Variants in CAMTA1 observed in about 807,000 individuals in gnomAD.
CAMTA1 encodes the protein calmodulin binding transcription activator 1.
Under a neutral mutation model 170.9 loss-of-function variants are expected in CAMTA1, and 27 were observed. The observed-to-expected ratio is 0.16, with a 90% confidence interval of 0.12 to 0.22. The LOEUF (loss-of-function observed/expected upper bound fraction) is 0.22. Ranked by LOEUF, CAMTA1 falls within the 10% of genes least tolerant of loss-of-function variation. The pLI, the probability that CAMTA1 is intolerant of heterozygous loss-of-function variation, is 1.00. For missense variants in CAMTA1, 1,619 were observed against 2,217.2 expected (o/e 0.73, Z 5.42); for synonymous variants, 833 against 891.5 (o/e 0.93, Z 1.17).
At chr1:7,657,928 A>G (rs1412983659) in intron 7 of CAMTA1, among the ~76,000 whole-genome samples, 1 of 152,204 alleles carries the variant, frequency 6.6e-6, no homozygotes, top group Non-Finnish European at 1.5e-5. Context: ...GGAGAACAAG[A>G]GGCAGAGAGA....
intron 5 of CAMTA1, among the ~76,000 whole-genome samples, chr1:7,326,958 C>T (rs1167929768): frequency 2.6e-5 from 4 of 151,972 alleles, no homozygotes; most frequent in Admixed American, 2.6e-4. Flanking sequence ...ACTGTGACAG[C>T]CAAGCGAACA....
At chr1:7,330,518 C>G (rs554904326) in intron 5 of CAMTA1, among the ~76,000 whole-genome samples, 53 of 152,244 alleles carry the variant, frequency 3.5e-4, no homozygotes, top group African/African-American at 1.3e-3. Flanking sequence ...GATGAGGAAC[C>G]AGGAGCACCC....
At chr1:7,385,829 C>T (rs933838352) in intron 5 of CAMTA1, among the ~76,000 whole-genome samples, 1 of 152,186 alleles carries the variant, frequency 6.6e-6, no homozygotes, top group Non-Finnish European at 1.5e-5. Context: ...CAGCACTGGG[C>T]GCCTCTGACG....
rs1037622187 is a variant in CAMTA1 at position 6,971,573 on chromosome 1, G to A, written c.235-119731G>A. Among the ~76,000 whole-genome samples the A allele has an allele frequency of 3.3e-5, 5 of 152,068 alleles. No homozygotes were observed. Among genetic ancestry groups the A allele is most frequent in the Admixed American group, 1.3e-4 (2 of 15,258 alleles). The stretch of plus-strand genomic sequence containing the variant: ...GTGCCTTCTGGGTAAGTCTCTAACC[G>A]AAAACTAGATCCACAGGCAGGCCTT... On this transcript the variant is annotated intron_variant, in intron 3 of 22. Coordinates refer to ENST00000303635, the MANE Select transcript of CAMTA1 (RefSeq NM_015215.4). This position sits in a 1 kb window ranked among gnomAD's most constrained non-coding sequence, Gnocchi z 4.6.
chr1:7,530,247 C>G (rs2094475751), intron 6 of CAMTA1, among the ~76,000 whole-genome samples: 1 of 152,234 alleles, frequency 6.6e-6, no homozygotes, highest in African/African-American at 2.4e-5. Context: ...CGTCCTCCTC[C>G]CTCCTTGATA....
intron 3 of CAMTA1, among the ~76,000 whole-genome samples, chr1:6,899,217 T>C (rs2149191848): frequency 6.6e-6 from 1 of 152,294 alleles, no homozygotes; most frequent in South Asian, 2.1e-4. Flanking sequence ...GTGTGCTAGG[T>C]TATAGTGTTT....
At chr1:7,270,293 T>TATATATA (rs1553296848) in intron 5 of CAMTA1, among the ~76,000 whole-genome samples, 1 of 76,466 alleles carries the variant, frequency 1.3e-5, no homozygotes, top group African/African-American at 4.7e-5. Context: ...ATATATATAT[T>TATATATA]TTTTTTTTTT....
chr1:6,882,106 G>A (rs1671800650), intron 3 of CAMTA1, among the ~76,000 whole-genome samples: 1 of 152,168 alleles, frequency 6.6e-6, no homozygotes, highest in Non-Finnish European at 1.5e-5. Flanking sequence ...AGCTAAGAAT[G>A]CTTTGTATGT....
chr1:6,936,904 CG>C, intron 3 of CAMTA1, among the ~76,000 whole-genome samples: 1 of 152,208 alleles, frequency 6.6e-6, no homozygotes, highest in South Asian at 2.1e-4. Flanking sequence ...AGGAGAATGG[CG>C]TGAACCCGAG....
intron 3 of CAMTA1, among the ~76,000 whole-genome samples, chr1:7,042,050 G>C (rs1261546080): frequency 2.6e-5 from 4 of 151,864 alleles, no homozygotes; most frequent in Non-Finnish European, 5.9e-5. Flanking sequence ...AGTGTCCTTG[G>C]GGATAGGGTG....
intron 3 of CAMTA1, among the ~76,000 whole-genome samples, chr1:7,028,302 T>C (rs919872553): frequency 6.6e-6 from 1 of 152,204 alleles, no homozygotes; most frequent in African/African-American, 2.4e-5. Flanking sequence ...CATTTCATTG[T>C]CTTAATTGCG....
intron 4 of CAMTA1, chr1:7,219,570 AAAG>A (rs1660369277): frequency 1.4e-5 from 2 of 145,668 alleles, no homozygotes; most frequent in Admixed American, 1.4e-4. Flanking sequence ...AAAAAAAAAA[AAAG>A]GAGACACACC....
chr1:7,558,105 G>A (rs1245662953), intron 6 of CAMTA1, among the ~76,000 whole-genome samples: 1 of 152,122 alleles, frequency 6.6e-6, no homozygotes, highest in Non-Finnish European at 1.5e-5. Flanking sequence ...CCACCCTCCT[G>A]TGACCCAAAT....
At chr1:7,335,682 C>T (rs1026840283) in intron 5 of CAMTA1, among the ~76,000 whole-genome samples, 3 of 151,798 alleles carry the variant, frequency 2.0e-5, no homozygotes, top group Non-Finnish European at 2.9e-5. Context: ...AGCATTCACG[C>T]GTGTGTCCTC....
At chr1:7,720,638 C>T (rs762277350) in intron 11 of CAMTA1, among the ~76,000 whole-genome samples, 4 of 152,144 alleles carry the variant, frequency 2.6e-5, no homozygotes, top group Non-Finnish European at 5.9e-5. Context: ...GCCTCAGCCT[C>T]CTAAAGTGCT....
In CAMTA1 at chr1:7,452,550, C is replaced by T. The variant is rs549543396; in HGVS notation, c.439-15280C>T. 6.6e-5 allele frequency among the ~76,000 whole-genome samples: 10 copies of T among 152,328 alleles called. 1 individual carries two copies. The South Asian group carries it at 1.0e-3, about 16-fold the overall frequency. On this transcript the variant is annotated intron_variant, in intron 5 of 22. Transcript: ENST00000303635. ...CCTTCTTCCCTCCCTCTGCCTCTAG[C>T]GACCACCAATCTGCATTCTGACCCT...
rs1464489150 is a variant in CAMTA1 at position 7,609,348 on chromosome 1, C to T, written c.511-31052C>T. The stretch of plus-strand genomic sequence containing the variant: ...ATGTTTACCCATCAGACGCTGTTTT[C>T]CTGACACTCAACACTCAAAATAATG... On this transcript the variant is annotated intron_variant, in intron 6 of 22. Coordinates refer to ENST00000303635, the MANE Select transcript of CAMTA1 (RefSeq NM_015215.4). This position sits in a 1 kb window ranked among gnomAD's most constrained non-coding sequence, Gnocchi z 4.4. 2.0e-5 allele frequency among the ~76,000 whole-genome samples: 3 copies of T among 152,208 alleles called. No homozygotes were observed. The highest frequency in any genetic ancestry group is 7.2e-5 in the African/African-American group (3 of 41,458).
chr1:6,865,813 T>C (rs1666395064), intron 3 of CAMTA1, among the ~76,000 whole-genome samples: 1 of 152,188 alleles, frequency 6.6e-6, no homozygotes, highest in South Asian at 2.1e-4. Flanking sequence ...GGCACAGAAG[T>C]AGTAAGTGGG....
chr1:7,653,786 C>G (rs2095862194), intron 7 of CAMTA1, among the ~76,000 whole-genome samples: 1 of 152,122 alleles, frequency 6.6e-6, no homozygotes, highest in African/African-American at 2.4e-5. Flanking sequence ...TAAGCATCTA[C>G]TATGTGCCAG....
Sources: allele counts gnomAD v4.1 joint callset (sites outside exome capture counted in the v4.1 genomes callset), GRCh38; gene constraint gnomAD v4.1.1; non-coding constraint Gnocchi (gnomAD v3.1); transcripts MANE v1.5; gene names NCBI Gene and HGNC (gene_info 2026-07-23, HGNC 2026-07-21).